CCL17: variants seen among roughly 807,000 people sequenced by gnomAD.
CCL17 encodes C-C motif chemokine 17.
In CCL17, 8 loss-of-function variants were observed where a neutral mutation model predicts 7.4. The ratio of observed to expected loss-of-function variants is 1.09; its 90% CI spans 0.64 to 1.96. The LOEUF (loss-of-function observed/expected upper bound fraction) is 1.96. CCL17 is among the 30% of genes most tolerant of loss of function. The pLI is 0.00. For missense variants in CCL17, 102 were observed against 113.0 expected (o/e 0.90, Z 0.44); for synonymous variants, 40 against 46.1 (o/e 0.87, Z 0.54).
intron 1 of CCL17, among the ~76,000 whole-genome samples, chr16:57,411,980 G>T (rs1221330212): frequency 1.3e-5 from 2 of 152,250 alleles, no homozygotes; most frequent in African/African-American, 4.8e-5. Flanking sequence ...GGGCACAGGA[G>T]GGGTGGCTGG....
upstream of CCL17, among the ~76,000 whole-genome samples, chr16:57,402,232 C>T (rs1902603515): frequency 6.6e-6 from 1 of 152,138 alleles, no homozygotes; most frequent in African/African-American, 2.4e-5. Context: ...AGCCATGACC[C>T]AGGTGGCATT....
upstream of CCL17, among the ~76,000 whole-genome samples, chr16:57,401,095 T>C (rs547805313): frequency 1.6e-4 from 24 of 152,184 alleles, 1 homozygote; most frequent in Middle Eastern, 0.01. Context: ...AGTTGGTGTA[T>C]AGAATAGCAT....
chr16:57,415,713 C>A lies in CCL17; in HGVS notation c.189-52C>A. 1 of 1,230,034 alleles carries A rather than the reference C, an allele frequency of 8.1e-7. No homozygotes were observed. Among genetic ancestry groups the A allele is most frequent in the Non-Finnish European group, 1.2e-6 (1 of 830,628 alleles). 76.2% of individuals were successfully genotyped at this position (1,230,034 alleles called of 1,614,324 possible). A position where few individuals can be genotyped will look rare whatever the true frequency, so the allele number is the denominator to read the frequency against. On this transcript the variant is annotated intron_variant, in intron 3 of 3. Transcript: ENST00000219244. The surrounding 1 kb of genome is among the most constrained non-coding windows in gnomAD (Gnocchi z 4.5). ...CACAGGGCGGGCCGTCCCAGGGACTCTGGGGGCCCTTCCCCCCCTGCCACT... is the reference window on the plus strand; with the variant it reads ...CACAGGGCGGGCCGTCCCAGGGACTATGGGGGCCCTTCCCCCCCTGCCACT...
At chr16:57,406,876 G>T (rs1412414621) in intron 1 of CCL17, among the ~76,000 whole-genome samples, 2 of 152,190 alleles carry the variant, frequency 1.3e-5, no homozygotes, top group African/African-American at 4.8e-5. Context: ...TGTAGGTAAT[G>T]ATTCCAGAGC....
the CCL17 span, among the ~76,000 whole-genome samples, chr16:57,396,510 T>C: frequency 6.6e-6 from 1 of 152,138 alleles, no homozygotes. Context: ...AAAATCGTTT[T>C]GTATCTACTA....
At chr16:57,400,865 A>T (rs223891), upstream of CCL17, among the ~76,000 whole-genome samples, 3,400 of 152,008 alleles carry the variant, frequency 0.022, 68 homozygotes, top group Middle Eastern at 0.068. Flanking sequence ...GCTACTTGGG[A>T]GGCTGAGGAA....
chr16:57,404,099 G>T (rs1183309353), upstream of CCL17, among the ~76,000 whole-genome samples: 1 of 152,162 alleles, frequency 6.6e-6, no homozygotes, highest in African/African-American at 2.4e-5. Context: ...GGAGGCCAGG[G>T]TGGCTGGGGC....
chr16:57,396,590 A>C, the CCL17 span, among the ~76,000 whole-genome samples: 2 of 152,276 alleles, frequency 1.3e-5, no homozygotes, highest in Non-Finnish European at 2.9e-5. Flanking sequence ...GCGCTGCTGC[A>C]GGGGGTCCAG....
intron 1 of CCL17, among the ~76,000 whole-genome samples, chr16:57,407,226 A>G (rs761498486): frequency 6.6e-6 from 1 of 152,152 alleles, no homozygotes. Flanking sequence ...GAGCTAGAAG[A>G]TGGCAGTGCA....
At chr16:57,406,345 G>A (rs1902696003) in intron 1 of CCL17, among the ~76,000 whole-genome samples, 1 of 152,074 alleles carries the variant, frequency 6.6e-6, no homozygotes, top group South Asian at 2.1e-4. Context: ...TGCCCAGGCT[G>A]GTCTCAGACT....
rs1299215901 is a variant in CCL17 at position 57,414,281 on chromosome 16, T to G, written c.70+279T>G. ...GTGAGGTGGGGGCTGTGGCTGTAGT[T>G]GTGCAATGGAAAATGAACAATTCTC... On this transcript the variant is annotated intron_variant, in intron 2 of 3. Transcript: ENST00000219244. 5.9e-5 allele frequency among the ~76,000 whole-genome samples: 9 copies of G among 152,026 alleles called. 1 individual carries two copies.
At chr16:57,396,233 T>C in the CCL17 span, among the ~76,000 whole-genome samples, 1 of 152,276 alleles carries the variant, frequency 6.6e-6, no homozygotes, top group Middle Eastern at 3.4e-3. Context: ...CCTGGGGCAA[T>C]GTCAATGTTG....
At chr16:57,401,250 G>A (rs1902587793), upstream of CCL17, among the ~76,000 whole-genome samples, 1 of 151,944 alleles carries the variant, frequency 6.6e-6, no homozygotes, top group Non-Finnish European at 1.5e-5. Flanking sequence ...CAGGCCCGGT[G>A]TGGTGGCTCA....
At chr16:57,403,461 ATAT>A (rs1267191441), upstream of CCL17, among the ~76,000 whole-genome samples, 109 of 2,358 alleles carry the variant, frequency 0.046, 11 homozygotes, top group Non-Finnish European at 0.15. Flanking sequence ...ATTATAATAT[ATAT>A]TATATTATAT....
rs1326527501 is a variant in CCL17 at position 57,415,244 on chromosome 16, G to T, written c.188+46G>T. On this transcript the variant is annotated intron_variant, in intron 3 of 3. Transcript: ENST00000219244. The surrounding 1 kb of genome is among the most constrained non-coding windows in gnomAD (Gnocchi z 4.5). ...CCCTGCTCCTCAGGGCCAAGCATGGGGACAAGTGCACCCTGGAGCTCCCAG... is the reference window on the plus strand; with the variant it reads ...CCCTGCTCCTCAGGGCCAAGCATGGTGACAAGTGCACCCTGGAGCTCCCAG... 1 of 1,285,700 alleles carries T rather than the reference G, an allele frequency of 7.8e-7. No homozygotes were observed. The highest frequency in any genetic ancestry group is 1.2e-5 in the South Asian group (1 of 84,342). The allele number at this position is 1,285,700 out of a possible 1,614,324, so 79.6% of individuals were successfully genotyped here. A position where few individuals can be genotyped will look rare whatever the true frequency, so the allele number is the denominator to read the frequency against.
upstream of CCL17, among the ~76,000 whole-genome samples, chr16:57,404,068 G>C (rs1902660179): frequency 6.6e-6 from 1 of 152,170 alleles, no homozygotes; most frequent in Non-Finnish European, 1.5e-5. Context: ...ATGTCTGTCT[G>C]GTTGGTTTGA....
the CCL17 span, among the ~76,000 whole-genome samples, chr16:57,397,445 G>A: frequency 2.0e-5 from 3 of 152,194 alleles, no homozygotes; most frequent in African/African-American, 7.2e-5. Context: ...TTAATCTCTT[G>A]GAGAGGGTTG....
chr16:57,401,721 C>T (rs1268804122), upstream of CCL17, among the ~76,000 whole-genome samples: 2 of 152,052 alleles, frequency 1.3e-5, no homozygotes, highest in Non-Finnish European at 2.9e-5. Context: ...CATCTGTTAA[C>T]CTGGTGGTGG....
the CCL17 span, among the ~76,000 whole-genome samples, chr16:57,396,836 T>G: frequency 6.6e-6 from 1 of 152,194 alleles, no homozygotes; most frequent in Non-Finnish European, 1.5e-5. Context: ...TTGCATTGGA[T>G]GCATAAAGGG....
Sources: allele counts gnomAD v4.1 joint callset (sites outside exome capture counted in the v4.1 genomes callset), GRCh38; gene constraint gnomAD v4.1.1; non-coding constraint Gnocchi (gnomAD v3.1); transcripts MANE v1.5; gene names NCBI Gene and HGNC (gene_info 2026-07-23, HGNC 2026-07-21).